Variants in STARD13 observed in about 807,000 individuals in gnomAD.
STARD13 encodes the protein StAR related lipid transfer domain containing 13, also known as stAR-related lipid transfer protein 13.
STARD13 carries 62 observed loss-of-function variants against 106.4 expected under a neutral mutation model. The ratio of observed to expected loss-of-function variants is 0.58; its 90% CI spans 0.48 to 0.72. The LOEUF is 0.72. STARD13 is among the 30% of genes least tolerant of loss of function. The pLI is 0.00. For missense variants in STARD13, 1,387 were observed against 1,424.0 expected, an observed-to-expected ratio of 0.97 and a Z score of 0.42; for synonymous variants, 565 against 553.0, an observed-to-expected ratio of 1.02 and a Z score of -0.31.
the STARD13 span, among the ~76,000 whole-genome samples, chr13:33,531,007 C>T: frequency 1.3e-5 from 2 of 152,012 alleles, no homozygotes; most frequent in South Asian, 4.1e-4. Flanking sequence ...GTAGCTCCCA[C>T]AATTCCACAT....
intron 3 of STARD13, among the ~76,000 whole-genome samples, chr13:33,144,289 A>G (rs1880231442): frequency 6.6e-6 from 1 of 152,170 alleles, no homozygotes. Context: ...CTAGAAAATA[A>G]TGTCATCTTG....
At chr13:33,235,494 C>A (rs1320779829) in intron 1 of STARD13, among the ~76,000 whole-genome samples, 2 of 152,082 alleles carry the variant, frequency 1.3e-5, no homozygotes, top group Non-Finnish European at 2.9e-5. Flanking sequence ...ATTTTTCTTT[C>A]AATTTAAGGG....
At chr13:33,191,901 A>G (rs971504866) in intron 1 of STARD13, among the ~76,000 whole-genome samples, 1 of 152,264 alleles carries the variant, frequency 6.6e-6, no homozygotes, top group African/African-American at 2.4e-5. Flanking sequence ...GCATTTTGCA[A>G]GGCAGTCAGT....
chr13:33,628,148 A>AACACACACACACACAC, the STARD13 span, among the ~76,000 whole-genome samples: 2 of 133,398 alleles, frequency 1.5e-5, no homozygotes, highest in Non-Finnish European at 3.1e-5. Flanking sequence ...TCTCTTGTAA[A>AACACACACACACACAC]ACACACACAC....
At chr13:33,151,090 T>C (rs1359959404) in intron 3 of STARD13, among the ~76,000 whole-genome samples, 3 of 151,874 alleles carry the variant, frequency 2.0e-5, no homozygotes, top group Admixed American at 2.0e-4. Flanking sequence ...AGCATACCTA[T>C]GATGGATTAA....
At chr13:33,570,819 C>T in the STARD13 span, among the ~76,000 whole-genome samples, 2 of 152,122 alleles carry the variant, frequency 1.3e-5, no homozygotes, top group Non-Finnish European at 2.9e-5. Context: ...AGTTCTCTAC[C>T]AACAGCAAAG....
the STARD13 span, among the ~76,000 whole-genome samples, chr13:33,557,203 C>T: frequency 6.6e-6 from 1 of 151,996 alleles, no homozygotes; most frequent in Non-Finnish European, 1.5e-5. Context: ...TCTAGTCCCT[C>T]TTCCTTCTCT....
chr13:33,549,448 A>T, the STARD13 span, among the ~76,000 whole-genome samples: 1 of 152,242 alleles, frequency 6.6e-6, no homozygotes, highest in African/African-American at 2.4e-5. Flanking sequence ...TTGAATGAGA[A>T]ACTCTGAGGG....
At chr13:33,106,647 G>T in intron 13 of STARD13, 111 bp downstream of exon 13, 1 of 1,023,806 alleles carries the variant, frequency 9.8e-7, no homozygotes, top group Non-Finnish European at 1.4e-6. Context: ...TAATGGCAAT[G>T]AGGAAACAAA....
intron 1 of STARD13, among the ~76,000 whole-genome samples, chr13:33,197,516 G>GTTAA (rs1405432941): frequency 6.6e-6 from 1 of 151,962 alleles, no homozygotes; most frequent in Non-Finnish European, 1.5e-5. Context: ...TATTGTCAGA[G>GTTAA]TTAAATATTT....
At chr13:33,658,887 C>A in the STARD13 span, among the ~76,000 whole-genome samples, 1 of 152,094 alleles carries the variant, frequency 6.6e-6, no homozygotes. Context: ...CACCAATGGG[C>A]AGTGATTTAA....
the STARD13 span, among the ~76,000 whole-genome samples, chr13:33,364,101 ATTACT>A: frequency 6.6e-6 from 1 of 152,146 alleles, no homozygotes; most frequent in African/African-American, 2.4e-5. Flanking sequence ...AATTTAAAAC[ATTACT>A]TAAGGTTCCC....
intron 1 of STARD13, among the ~76,000 whole-genome samples, chr13:33,214,723 C>G (rs941343219): frequency 6.6e-6 from 1 of 151,712 alleles, no homozygotes; most frequent in Non-Finnish European, 1.5e-5. Context: ...CACACACACA[C>G]ACACACACAC....
At chr13:33,505,630 T>A in the STARD13 span, among the ~76,000 whole-genome samples, 2 of 152,192 alleles carry the variant, frequency 1.3e-5, no homozygotes, top group Non-Finnish European at 2.9e-5. Context: ...CTGATTTAAC[T>A]ACATCTTTTG....
chr13:33,193,144 A>G (rs1311986102), intron 1 of STARD13, among the ~76,000 whole-genome samples: 1 of 152,240 alleles, frequency 6.6e-6, no homozygotes, highest in Non-Finnish European at 1.5e-5. Flanking sequence ...GAAAGGACAA[A>G]CAATTCCTCA....
the STARD13 span, among the ~76,000 whole-genome samples, chr13:33,525,124 C>A: frequency 9.5e-4 from 144 of 152,124 alleles, 2 homozygotes; most frequent in East Asian, 0.023. Flanking sequence ...CAGGCTAAAG[C>A]AATCCTCCTG....
chr13:33,517,240 T>C, the STARD13 span, among the ~76,000 whole-genome samples: 2 of 152,036 alleles, frequency 1.3e-5, no homozygotes. Flanking sequence ...TTTTGTCCCA[T>C]GGGCATTAAC....
intron 10 of STARD13, 97 bp from the exon 11 acceptor site, chr13:33,111,004 G>T: frequency 9.1e-7 from 1 of 1,102,740 alleles, no homozygotes; most frequent in Non-Finnish European, 1.3e-6. Flanking sequence ...CCGGCTCTGA[G>T]CCACGGGCCG....
At chr13:33,350,614 C>T (rs1259882465) in exon 1 of STARD13, 2 of 1,380,346 alleles carry the variant, frequency 1.4e-6, no homozygotes, top group Non-Finnish European at 1.9e-6. Flanking sequence ...CCACCAGAAA[C>T]GCCGCGCTAG....
Sources: allele counts gnomAD v4.1 joint callset (sites outside exome capture counted in the v4.1 genomes callset), GRCh38; gene constraint gnomAD v4.1.1; transcripts MANE v1.5; gene names NCBI Gene and HGNC (gene_info 2026-07-23, HGNC 2026-07-21).